The following SOX5 variants were observed in gnomAD, a reference collection of about 807,000 sequenced individuals.
The protein encoded by SOX5 is transcription factor SOX-5.
In SOX5, 9 loss-of-function variants were observed where a neutral mutation model predicts 92.0. The ratio of observed to expected loss-of-function variants is 0.10; its 90% CI spans 0.06 to 0.17. The LOEUF (loss-of-function observed/expected upper bound fraction) is 0.17, where lower values mean the gene tolerates loss of function less well. SOX5 is among the 10% of genes least tolerant of loss of function. The pLI is 1.00. For synonymous variants in SOX5, 344 were observed against 336.3 expected, an observed-to-expected ratio of 1.02 and a Z score of -0.25; for missense variants, 642 against 944.5, an observed-to-expected ratio of 0.68 and a Z score of 4.20.
chr12:24,552,886 GCTGGGCATGCTGGCGCATGC>G (rs1303415465), intron 1 of SOX5, among the ~76,000 whole-genome samples: 1 of 152,130 alleles, frequency 6.6e-6, no homozygotes. Flanking sequence ...AAGCAAATTA[GCTGGGCATGCTGGCGCATGC>G]CTGTGGTCCC....
intron 1 of SOX5, among the ~76,000 whole-genome samples, chr12:24,531,617 C>G (rs552876830): frequency 6.6e-6 from 1 of 152,274 alleles, no homozygotes; most frequent in South Asian, 2.1e-4. Context: ...TCTGTTGCTA[C>G]TAGTGCTTAA....
At chr12:24,205,470 G>C (rs1248758697) in intron 4 of SOX5, among the ~76,000 whole-genome samples, 1 of 152,132 alleles carries the variant, frequency 6.6e-6, no homozygotes, top group Non-Finnish European at 1.5e-5. Flanking sequence ...GGAAACAAAG[G>C]CTTGACAAAG....
chr12:24,384,206 T>C (rs1171206940), intron 1 of SOX5, among the ~76,000 whole-genome samples: 3 of 152,204 alleles, frequency 2.0e-5, no homozygotes, highest in African/African-American at 7.2e-5. Context: ...CACAGTTAGA[T>C]TCTCATAAGG....
intron 4 of SOX5, among the ~76,000 whole-genome samples, chr12:24,039,709 C>T (rs1339895028): frequency 1.3e-5 from 2 of 152,124 alleles, no homozygotes; most frequent in Non-Finnish European, 2.9e-5. Context: ...ACAGTATATA[C>T]ATATTCATTT....
chr12:23,928,491 T>C (rs572244916), intron 1 of SOX5, among the ~76,000 whole-genome samples: 80 of 152,064 alleles, frequency 5.3e-4, no homozygotes, highest in Non-Finnish European at 1.0e-3. Context: ...TTTCTAAGCA[T>C]ATAAAAACAA....
intron 9 of SOX5, among the ~76,000 whole-genome samples, chr12:23,598,392 T>G (rs1323156384): frequency 1.7e-4 from 12 of 68,626 alleles, no homozygotes; most frequent in Non-Finnish European, 2.8e-4. Flanking sequence ...TTTATCTTTT[T>G]TTTTTTTTTT....
intron 3 of SOX5, among the ~76,000 whole-genome samples, chr12:23,795,909 C>A (rs2142046491): frequency 6.6e-6 from 1 of 152,212 alleles, no homozygotes; most frequent in Non-Finnish European, 1.5e-5. Context: ...ATTTAAATTA[C>A]TGAATAGTAT....
intron 1 of SOX5, among the ~76,000 whole-genome samples, chr12:24,405,568 G>C (rs1180266250): frequency 6.6e-6 from 1 of 152,148 alleles, no homozygotes; most frequent in African/African-American, 2.4e-5. Context: ...AAACCCCTTT[G>C]AGTGCAAAAT....
At chr12:23,897,060 A>G (rs1290528002) in intron 1 of SOX5, among the ~76,000 whole-genome samples, 1 of 152,162 alleles carries the variant, frequency 6.6e-6, no homozygotes, top group Non-Finnish European at 1.5e-5. Flanking sequence ...AATTTAAAAA[A>G]CTTTCTTGTA....
intron 3 of SOX5, among the ~76,000 whole-genome samples, chr12:24,231,754 T>C (rs1286765284): frequency 6.6e-6 from 1 of 152,212 alleles, no homozygotes; most frequent in Non-Finnish European, 1.5e-5. Flanking sequence ...AAAAACTAAC[T>C]GTGTGTCTTC....
intron 11 of SOX5, among the ~76,000 whole-genome samples, chr12:23,558,366 G>C (rs1163929858): frequency 6.6e-6 from 1 of 152,208 alleles, no homozygotes; most frequent in Non-Finnish European, 1.5e-5. Flanking sequence ...AGCTTGAGAA[G>C]AGGAATGAAA....
At chr12:24,535,379 A>T (rs1266366545) in intron 1 of SOX5, among the ~76,000 whole-genome samples, 1 of 152,208 alleles carries the variant, frequency 6.6e-6, no homozygotes, top group Non-Finnish European at 1.5e-5. Flanking sequence ...TAGAAAAATC[A>T]TGATAAATTT....
intron 4 of SOX5, among the ~76,000 whole-genome samples, chr12:24,006,456 C>T (rs1180417616): frequency 6.6e-6 from 1 of 151,926 alleles, no homozygotes; most frequent in Non-Finnish European, 1.5e-5. Flanking sequence ...CTTTTTTCTG[C>T]TTCTGGTGGG....
At chr12:23,577,191 A>ATATATATTTTT (rs71059907) in intron 9 of SOX5, among the ~76,000 whole-genome samples, 2 of 61,390 alleles carry the variant, frequency 3.3e-5, no homozygotes, top group African/African-American at 1.1e-4. Context: ...ATATATATAT[A>ATATATATTTTT]TTTTTTTTTT....
intron 7 of SOX5, among the ~76,000 whole-genome samples, chr12:23,643,052 A>T (rs948961490): frequency 1.0e-5 from 1 of 98,022 alleles, no homozygotes; most frequent in African/African-American, 3.3e-5. Flanking sequence ...CCGCCACTGC[A>T]CTCCAGCCTG....
chr12:24,405,533 T>C (rs768264181), intron 1 of SOX5, among the ~76,000 whole-genome samples: 5 of 152,110 alleles, frequency 3.3e-5, no homozygotes, highest in Non-Finnish European at 5.9e-5. Flanking sequence ...CCTTCCTACA[T>C]ATAAAATAAG....
Position 23,530,648 on chromosome 12 carries a change from CTT to C in SOX5, c.*3569_*3570del, listed in dbSNP as rs1005623869. On this transcript the variant is annotated 3_prime_UTR_variant, in exon 15 of 15. Transcript: ENST00000451604. ...CCAATTGTGGTAAGTTAATCACTAACTTATTATTAGTAACTATAAATGAGTAA... is the reference window on the plus strand; with the variant it reads ...CCAATTGTGGTAAGTTAATCACTAACATTATTAGTAACTATAAATGAGTAA... The C allele has an allele frequency of 3.9e-5, 6 of 152,106 alleles. No individual in the cohort carries two copies. Among genetic ancestry groups the C allele is most frequent in the African/African-American group, 1.4e-4 (6 of 41,420 alleles). 9.4% of individuals were successfully genotyped at this position (152,106 alleles called of 1,614,324 possible).
intron 4 of SOX5, among the ~76,000 whole-genome samples, chr12:24,100,957 C>A (rs889325836): frequency 5.3e-5 from 8 of 152,116 alleles, no homozygotes; most frequent in Admixed American, 3.3e-4. Context: ...TTTTCTCCAC[C>A]TTTGCAATTA....
chr12:23,614,197 C>A, intron 8 of SOX5, among the ~76,000 whole-genome samples: 1 of 152,144 alleles, frequency 6.6e-6, no homozygotes, highest in Admixed American at 6.5e-5. Context: ...AGTTAAAATG[C>A]AAGAATATTC....
Sources: allele counts gnomAD v4.1 joint callset (sites outside exome capture counted in the v4.1 genomes callset), GRCh38; gene constraint gnomAD v4.1.1; transcripts MANE v1.5; gene names NCBI Gene and HGNC (gene_info 2026-07-23, HGNC 2026-07-21).